HSPG2: variants seen among roughly 807,000 people sequenced by gnomAD.
HSPG2 encodes the protein heparan sulfate proteoglycan 2, also known as basement membrane-specific heparan sulfate proteoglycan core protein.
Under a neutral mutation model 526.6 loss-of-function variants are expected in HSPG2, and 278 were observed. The observed-to-expected ratio is 0.53, with a 90% CI of 0.48 to 0.58. The LOEUF is 0.58. Among genes scored for constraint, HSPG2 ranks in the 20% least tolerant of loss-of-function variants. The pLI is 0.00. For synonymous variants in HSPG2, 2,465 were observed against 2,555.4 expected (o/e 0.96, Z 1.07); for missense variants, 5,354 against 6,099.5 (o/e 0.88, Z 4.07).
At chr1:21,921,695 C>T (rs1010633573) in intron 1 of HSPG2, among the ~76,000 whole-genome samples, 6 of 152,300 alleles carry the variant, frequency 3.9e-5, no homozygotes, top group African/African-American at 7.2e-5. Context: ...GCCCGGGCTG[C>T]GGCACCCCCA....
In HSPG2 at chr1:21,865,884, A is replaced by C; in HGVS notation, c.4222-75T>G. ...GTTGGACCATATAGGTGAGGGATGG[A>C]GCATCTGGCGGCCTTTTTGCACCTG... On this transcript the variant is annotated intron_variant, in intron 33 of 96. Coordinates refer to ENST00000374695, the MANE Select transcript of HSPG2 (RefSeq NM_005529.7). The surrounding 1 kb of genome is among the most constrained non-coding windows in gnomAD (Gnocchi z 5.4). 1 of 1,192,528 alleles carries C rather than the reference A, an allele frequency of 8.4e-7. No individual in the cohort carries two copies. Among genetic ancestry groups the C allele is most frequent in the Non-Finnish European group, 1.2e-6 (1 of 801,922 alleles). The allele number at this position is 1,192,528 out of a possible 1,614,324, so 73.9% of individuals were successfully genotyped here. A position where few individuals can be genotyped will look rare whatever the true frequency, so the allele number is the denominator to read the frequency against.
intron 6 of HSPG2, chr1:21,888,707 G>T (rs781103246): frequency 1.5e-6 from 2 of 1,365,262 alleles, no homozygotes; most frequent in African/African-American, 3.0e-5. Context: ...GGCGGGGGTG[G>T]GGGGGTCTGT....
intron 85 of HSPG2, 130 bp downstream of exon 85, chr1:21,830,852 T>A: frequency 1.5e-6 from 1 of 658,192 alleles, no homozygotes; most frequent in Non-Finnish European, 2.7e-6. Flanking sequence ...ATGGGAGGAG[T>A]GGAGAGTGCT....
intron 50 of HSPG2, chr1:21,853,764 AAT>A (rs761881661): frequency 5.5e-5 from 9 of 163,618 alleles, no homozygotes; most frequent in Non-Finnish European, 9.9e-5. Context: ...AATAAAATAA[AAT>A]AAAATAAAAT....
intron 3 of HSPG2, among the ~76,000 whole-genome samples, chr1:21,894,663 G>A (rs1642617246): frequency 6.6e-6 from 1 of 152,280 alleles, no homozygotes; most frequent in African/African-American, 2.4e-5. Context: ...CTGCCCAGCT[G>A]GGGCAGAGCT....
Position 21,824,614 on chromosome 1 carries a change from G to C in HSPG2, c.12667C>G (p.Leu4223Val). The part of the protein sequence containing the change: ...AFPGHVFSRS[L>V]PEVPETIELE... ...TCGATGGTCTCGGGCACCTCGGGCA[G>C]GCTGCGGAGGAAGAGCGGGTGAGGG... Residue 4223 changes from leucine to valine, a missense_variant and splice_region_variant, in exon 93 of 97, where the codon CTG (leucine) becomes GTG (valine). Coordinates refer to ENST00000374695, the MANE Select transcript of HSPG2 (RefSeq NM_005529.7). The surrounding 1 kb of genome is among the most constrained non-coding windows in gnomAD (Gnocchi z 5.9). 1 of 1,614,090 alleles carries C rather than the reference G, an allele frequency of 6.2e-7. No homozygotes were observed.
At chr1:21,928,633 G>C (rs1644268181) in intron 1 of HSPG2, among the ~76,000 whole-genome samples, 1 of 152,110 alleles carries the variant, frequency 6.6e-6, no homozygotes, top group Non-Finnish European at 1.5e-5. Flanking sequence ...AGTAGAGACG[G>C]GGTTTCACCA....
Position 21,888,196 on chromosome 1 carries a change from C to A in HSPG2, c.575-130G>T, listed in dbSNP as rs113519618. On this transcript the variant is annotated intron_variant, in intron 6 of 96. Coordinates refer to ENST00000374695, the MANE Select transcript of HSPG2 (RefSeq NM_005529.7). ...GCAGCTCGGTTTCTGGCAGGCACAA[C>A]GAGGGCAAGCAGCACACACTAGACA... is the stretch of plus-strand genomic sequence containing the variant. 905 of 1,206,050 alleles carry A rather than the reference C, an allele frequency of 7.5e-4. 1 individual carries two copies. In the African/African-American group the frequency reaches 0.011, roughly 15 times the overall value. The allele number at this position is 1,206,050 out of a possible 1,614,324, so 74.7% of individuals were successfully genotyped here. A position where few individuals can be genotyped will look rare whatever the true frequency, so the allele number is the denominator to read the frequency against.
At chr1:21,891,743 T>A (rs1251233303) in intron 3 of HSPG2, among the ~76,000 whole-genome samples, 3 of 152,114 alleles carry the variant, frequency 2.0e-5, no homozygotes, top group Admixed American at 6.5e-5. Context: ...CCTGAGTAGC[T>A]GGGATTACAG....
At chr1:21,916,974 G>A (rs991848324) in intron 1 of HSPG2, among the ~76,000 whole-genome samples, 1 of 152,200 alleles carries the variant, frequency 6.6e-6, no homozygotes, top group African/African-American at 2.4e-5. Flanking sequence ...GGCTGGAAAC[G>A]GCTAACGGAA....
chr1:21,840,706 G>A (rs1317202886), intron 71 of HSPG2, among the ~76,000 whole-genome samples: 2 of 151,954 alleles, frequency 1.3e-5, no homozygotes, highest in African/African-American at 4.8e-5. Context: ...CTCCCAGGCT[G>A]GTCTCAAACT....
At chr1:21,880,042 C>T in intron 17 of HSPG2, 65 bp downstream of exon 17, 1 of 1,577,812 alleles carries the variant, frequency 6.3e-7, no homozygotes, top group Non-Finnish European at 8.7e-7. Context: ...CTCATGAACA[C>T]AGGGAATCTC....
In HSPG2 at chr1:21,828,281, T is replaced by C. The variant is rs775105909; in HGVS notation, c.12383A>G (p.Gln4128Arg). The part of the protein sequence containing the change: ...TCMPAGEYEF[Q>R]CLCRDGFKGD... Reference sequence around the variant, plus strand: ...TTTGAATCCATCTCGACACAGGCACTGGAACTCATACTCGCCAGCGGGCAT... The same window carrying C: ...TTTGAATCCATCTCGACACAGGCACCGGAACTCATACTCGCCAGCGGGCAT... Residue 4128 changes from glutamine to arginine, a missense_variant, in exon 89 of 97, where the codon CAG becomes CGG. Transcript: ENST00000374695. The surrounding 1 kb of genome is among the most constrained non-coding windows in gnomAD (Gnocchi z 6.0). 1 of 1,613,768 alleles carries C rather than the reference T, an allele frequency of 6.2e-7. No individual in the cohort carries two copies. The highest frequency in any genetic ancestry group is 1.1e-5 in the South Asian group (1 of 91,090).
Position 21,822,507 on chromosome 1 carries a change from G to A in HSPG2, c.*809C>T. 1 of 345,366 alleles carries A rather than the reference G, an allele frequency of 2.9e-6. No homozygotes were observed. The highest frequency in any genetic ancestry group is 5.6e-6 in the Non-Finnish European group (1 of 177,748). 21.4% of individuals were successfully genotyped at this position (345,366 alleles called of 1,614,324 possible). A position where few individuals can be genotyped will look rare whatever the true frequency, so the allele number is the denominator to read the frequency against. The stretch of plus-strand genomic sequence containing the variant: ...AGCGGCATCCGTCCGTCCGTTGTCT[G>A]TTGGAGGAGTCCCTGGGCCTTCACT... On this transcript the variant is annotated 3_prime_UTR_variant, in exon 97 of 97. Transcript: ENST00000374695.
intron 57 of HSPG2, 30 bp downstream of exon 57, chr1:21,850,011 C>T: frequency 1.2e-6 from 2 of 1,611,824 alleles, no homozygotes; most frequent in Non-Finnish European, 1.7e-6. Context: ...CTACAGGGTC[C>T]TTCAGGCTTC....
chr1:21,865,763 G>C lies in HSPG2; in HGVS notation c.4268C>G (p.Ala1423Gly). The change falls in exon 34 of 97, where the codon GCA becomes GGA. Residue 1423 changes from alanine (A) to glycine (G), a missense_variant. Coordinates refer to ENST00000374695, the MANE Select transcript of HSPG2 (RefSeq NM_005529.7). The surrounding 1 kb of genome is among the most constrained non-coding windows in gnomAD (Gnocchi z 5.4). Reference sequence around the variant, plus strand: ...AGAGAGTGGGCTGCCCTGTGGGCCTGCTGTGTAGGAGAGGGTGTATCGCAA... The same window carrying C: ...AGAGAGTGGGCTGCCCTGTGGGCCTCCTGTGTAGGAGAGGGTGTATCGCAA... Reference protein sequence around the residue: ...GKLRYTLSYTAGPQGSPLSDP... With the variant: ...GKLRYTLSYTGGPQGSPLSDP... 1 of 1,613,884 alleles carries C rather than the reference G, an allele frequency of 6.2e-7. No individual in the cohort carries two copies. The highest frequency in any genetic ancestry group is 8.5e-7 in the Non-Finnish European group (1 of 1,179,986).
chr1:21,920,019 G>C (rs902721812), intron 1 of HSPG2, among the ~76,000 whole-genome samples: 21 of 152,218 alleles, frequency 1.4e-4, no homozygotes, highest in African/African-American at 5.1e-4. Context: ...CGATTCTACT[G>C]CTTCAGCCTC....
Position 21,853,023 on chromosome 1 carries a change from C to A in HSPG2, c.6487G>T (p.Val2163Leu), listed in dbSNP as rs777503522. The change falls in exon 51 of 97, where the codon GTG becomes TTG. Residue 2163 changes from valine to leucine, a missense_variant. Val to Leu is a conservative substitution (Grantham distance 32). Transcript: ENST00000374695. The stretch of plus-strand genomic sequence containing the variant: ...AGATCCAGGGTCTGCCCTTCCGCCA[C>A]GTGTGAGGAGGAGGGCTCGATGCGG... ...PIRIEPSSSH[V>L]AEGQTLDLNC... 6.2e-7 allele frequency: 1 copy of A among 1,613,894 alleles called. No individual in the cohort carries two copies. Among genetic ancestry groups the A allele is most frequent in the East Asian group, 2.2e-5 (1 of 44,878 alleles).
intron 1 of HSPG2, among the ~76,000 whole-genome samples, chr1:21,919,557 G>T (rs1316960049): frequency 1.3e-5 from 2 of 152,170 alleles, no homozygotes; most frequent in African/African-American, 4.8e-5. Context: ...GAAGAATCTG[G>T]GAAGAGTATG....
Sources: allele counts gnomAD v4.1 joint callset (sites outside exome capture counted in the v4.1 genomes callset), GRCh38; gene constraint gnomAD v4.1.1; non-coding constraint Gnocchi (gnomAD v3.1); transcripts MANE v1.5; gene names NCBI Gene and HGNC (gene_info 2026-07-23, HGNC 2026-07-21).